The following KCNJ6 variants were observed in gnomAD, a reference collection of about 807,000 sequenced individuals.
KCNJ6 encodes the protein potassium inwardly rectifying channel subfamily J member 6.
Under a neutral mutation model 34.2 loss-of-function variants are expected in KCNJ6, and 9 were observed. That is an observed-to-expected ratio of 0.26 (90% CI 0.16 to 0.46). The LOEUF is 0.46. Ranked by LOEUF, KCNJ6 falls within the 20% of genes least tolerant of loss-of-function variation. The pLI is 1.00. For synonymous variants in KCNJ6, 196 were observed against 207.1 expected (o/e 0.95, Z 0.46); for missense variants, 236 against 531.3 (o/e 0.44, Z 5.46).
intron 2 of KCNJ6, among the ~76,000 whole-genome samples, chr21:37,785,058 C>T (rs901073904): frequency 3.9e-5 from 6 of 152,142 alleles, no homozygotes; most frequent in African/African-American, 1.4e-4. Flanking sequence ...AGAGGAGGGA[C>T]CTCAGGTCAC....
At chr21:37,787,874 C>T (rs2055199568) in intron 2 of KCNJ6, among the ~76,000 whole-genome samples, 1 of 152,160 alleles carries the variant, frequency 6.6e-6, no homozygotes, top group Admixed American at 6.5e-5. Context: ...TCTTTAAGGT[C>T]ATGGTTCCAT....
intron 3 of KCNJ6, among the ~76,000 whole-genome samples, chr21:37,654,244 C>G (rs1179986400): frequency 6.6e-6 from 1 of 151,470 alleles, no homozygotes; most frequent in East Asian, 1.9e-4. Flanking sequence ...GCAAGCATCT[C>G]TTCAGTCTCC....
At chr21:37,749,165 T>C (rs2054982204) in intron 2 of KCNJ6, among the ~76,000 whole-genome samples, 1 of 152,112 alleles carries the variant, frequency 6.6e-6, no homozygotes, top group Non-Finnish European at 1.5e-5. Flanking sequence ...CATTTTCAGG[T>C]GACAGGTGGG....
intron 2 of KCNJ6, among the ~76,000 whole-genome samples, chr21:37,801,127 T>C (rs995692236): frequency 3.3e-5 from 5 of 152,212 alleles, no homozygotes; most frequent in African/African-American, 7.2e-5. Context: ...CTGCATATCA[T>C]CTGGATTTTT....
chr21:37,626,101 C>G (rs2054309491), intron 3 of KCNJ6, among the ~76,000 whole-genome samples: 1 of 151,128 alleles, frequency 6.6e-6, no homozygotes, highest in African/African-American at 2.4e-5. Flanking sequence ...ACTGTGCAAT[C>G]ATAACTACTT....
chr21:37,625,258 T>C lies in KCNJ6; in HGVS notation c.1173A>G (p.Gln391=), dbSNP rs769654551. 230 of 1,614,058 alleles carry C rather than the reference T, an allele frequency of 1.4e-4. 4 individuals are homozygous for C. The South Asian group carries it at 2.5e-3, about 17-fold the overall frequency. ...LSWSVSSKLN[Q]HAELETEEEE... ...CCTCTTCAGTCTCCAGTTCTGCATG[T>C]TGGTTGAGTTTGCTGGATACAGACC... is the stretch of plus-strand genomic sequence containing the variant. The change falls in exon 4 of 4, where the codon CAA becomes CAG. Residue 391 remains glutamine (Q), a synonymous_variant. Transcript: ENST00000609713.
At chr21:37,904,361 C>T (rs151286120) in intron 1 of KCNJ6, among the ~76,000 whole-genome samples, 47 of 152,110 alleles carry the variant, frequency 3.1e-4, no homozygotes, top group African/African-American at 9.6e-4. Flanking sequence ...CTTATGCACA[C>T]GACAGGAATA....
chr21:37,800,021 C>T (rs1347667089), intron 2 of KCNJ6, among the ~76,000 whole-genome samples: 1 of 152,218 alleles, frequency 6.6e-6, no homozygotes, highest in Non-Finnish European at 1.5e-5. Context: ...CCTAGGATAA[C>T]ACCATGAACT....
intron 1 of KCNJ6, among the ~76,000 whole-genome samples, chr21:37,877,960 GCAT>G (rs2055687150): frequency 6.6e-6 from 1 of 152,230 alleles, no homozygotes; most frequent in African/African-American, 2.4e-5. Context: ...GAAAGAAAAG[GCAT>G]CATAAGACTT....
rs976894 is a variant in KCNJ6, at chr21:37,614,181, A to G, written c.*10978T>C. On this transcript the variant is annotated 3_prime_UTR_variant, in exon 4 of 4. Transcript: ENST00000609713. ...CTGGGGGCAAAACCTGGTCTTCTGAATCCAGGGTTCCTACCAAACACTGGA... is the reference window on the plus strand; with the variant it reads ...CTGGGGGCAAAACCTGGTCTTCTGAGTCCAGGGTTCCTACCAAACACTGGA... 47,629 of 152,076 alleles carry G rather than the reference A, an allele frequency of 0.31. 7,679 individuals are homozygous for G. Among genetic ancestry groups the G allele is most frequent in the South Asian group, 0.35 (1,673 of 4,814 alleles). The allele number at this position is 152,076 out of a possible 1,614,324, so 9.4% of individuals were successfully genotyped here. A position where few individuals can be genotyped will look rare whatever the true frequency, so the allele number is the denominator to read the frequency against.
At chr21:37,724,320 T>TA (rs59383968) in intron 2 of KCNJ6, among the ~76,000 whole-genome samples, 13,774 of 147,480 alleles carry the variant, frequency 0.093, 1,203 homozygotes, top group African/African-American at 0.24. Flanking sequence ...TGTTGCATAT[T>TA]AAAAAAAAAA....
At position 37,617,058 on chromosome 21, in the gene KCNJ6, T is replaced by TTTCTTTCTTTCTTTC. The variant is rs376632945; in HGVS notation, c.*8100_*8101insGAAAGAAAGAAAGAA. 5 of 54,414 alleles carry TTTCTTTCTTTCTTTC rather than the reference T, an allele frequency of 9.2e-5. No homozygotes were observed. Among genetic ancestry groups the TTTCTTTCTTTCTTTC allele is most frequent in the Non-Finnish European group, 1.6e-4 (4 of 25,394 alleles). The allele number at this position is 54,414 out of a possible 1,614,324, so 3.4% of individuals were successfully genotyped here. A position where few individuals can be genotyped will look rare whatever the true frequency, so the allele number is the denominator to read the frequency against. ...TTTCTTTCTTTCTTTCTTTCTTTTC[T>TTTCTTTCTTTCTTTC]TTTCTTTTCTTTTCTTTTCTTTCTT... On this transcript the variant is annotated 3_prime_UTR_variant, in exon 4 of 4. Transcript: ENST00000609713.
At chr21:37,666,399 G>T (rs573414923) in intron 3 of KCNJ6, among the ~76,000 whole-genome samples, 7 of 150,398 alleles carry the variant, frequency 4.7e-5, no homozygotes, top group African/African-American at 1.7e-4. Flanking sequence ...GCTCCGAGGT[G>T]CCAGGACATC....
intron 2 of KCNJ6, among the ~76,000 whole-genome samples, chr21:37,812,816 T>G (rs546478263): frequency 8.5e-5 from 13 of 152,308 alleles, no homozygotes; most frequent in African/African-American, 3.1e-4. Flanking sequence ...TCATACTGAA[T>G]GAAGAAAAAC....
intron 1 of KCNJ6, among the ~76,000 whole-genome samples, chr21:37,905,461 T>C (rs1306218812): frequency 6.6e-6 from 1 of 152,160 alleles, no homozygotes; most frequent in African/African-American, 2.4e-5. Flanking sequence ...CCTATATATA[T>C]GTAATGGCAA....
chr21:37,859,079 CAAAG>C (rs902418557), intron 1 of KCNJ6, among the ~76,000 whole-genome samples: 5 of 151,878 alleles, frequency 3.3e-5, no homozygotes, highest in Non-Finnish European at 7.4e-5. Context: ...GCAAAGCAAA[CAAAG>C]AACACAAAAT....
chr21:37,709,341 A>C (rs1370878664), intron 3 of KCNJ6, among the ~76,000 whole-genome samples: 1 of 151,824 alleles, frequency 6.6e-6, no homozygotes, highest in African/African-American at 2.4e-5. Context: ...GAGAAACCCC[A>C]TCTCTACTAA....
At chr21:37,702,361 G>C (rs2054695949) in intron 3 of KCNJ6, among the ~76,000 whole-genome samples, 1 of 152,114 alleles carries the variant, frequency 6.6e-6, no homozygotes, top group African/African-American at 2.4e-5. Flanking sequence ...TGGGATGGTG[G>C]CCATAGAGAC....
At chr21:37,796,825 C>T (rs368840015) in intron 2 of KCNJ6, among the ~76,000 whole-genome samples, 5 of 111,080 alleles carry the variant, frequency 4.5e-5, no homozygotes, top group African/African-American at 7.2e-5. Context: ...CTTGCTCTGT[C>T]GCCCAGGCCG....
Sources: gnomAD v4.1 joint callset for allele counts (sites outside exome capture counted in the v4.1 genomes callset) on GRCh38, gnomAD v4.1.1 for gene constraint, MANE v1.5 for transcripts, NCBI Gene and HGNC (gene_info 2026-07-23, HGNC 2026-07-21) for gene names.